The following PDZRN3 variants were observed in gnomAD, a reference collection of about 807,000 sequenced individuals.
The protein encoded by PDZRN3 is PDZ domain containing ring finger 3, also known as E3 ubiquitin-protein ligase PDZRN3.
PDZRN3 carries 38 observed loss-of-function variants against 85.7 expected under a neutral mutation model. The observed-to-expected ratio is 0.44, with a 90% CI of 0.34 to 0.58. The LOEUF is 0.58. Among genes scored for constraint, PDZRN3 ranks in the 20% least tolerant of loss-of-function variants. The probability of loss-of-function intolerance (pLI) is 0.01; values close to 1 mark genes in which losing one functional copy is unlikely to be tolerated. For synonymous variants in PDZRN3, 759 were observed against 638.0 expected, an observed-to-expected ratio of 1.19 and a Z score of -2.86; for missense variants, 1,629 against 1,506.4, an observed-to-expected ratio of 1.08 and a Z score of -1.35.
chr3:73,497,719 G>A (rs1360883111), intron 3 of PDZRN3, among the ~76,000 whole-genome samples: 6 of 152,182 alleles, frequency 3.9e-5, no homozygotes, highest in African/African-American at 1.4e-4. Flanking sequence ...AACAGGGACA[G>A]CACACAGCAA....
chr3:73,417,910 A>G (rs995988731), intron 3 of PDZRN3, among the ~76,000 whole-genome samples: 2 of 152,214 alleles, frequency 1.3e-5, no homozygotes, highest in Non-Finnish European at 2.9e-5. Flanking sequence ...AGAAGAACCA[A>G]TGAAAAGGAG....
chr3:73,470,214 G>A (rs1419009962), intron 3 of PDZRN3, among the ~76,000 whole-genome samples: 1 of 152,098 alleles, frequency 6.6e-6, no homozygotes, highest in Non-Finnish European at 1.5e-5. Flanking sequence ...TACCAGTTGT[G>A]AATAATTTAA....
chr3:73,615,785 T>A (rs1410813570), intron 1 of PDZRN3, among the ~76,000 whole-genome samples: 2 of 152,218 alleles, frequency 1.3e-5, no homozygotes, highest in African/African-American at 4.8e-5. Flanking sequence ...TTTCTGGTAT[T>A]TCTGTTACAG....
chr3:73,583,951 TTTTAGTTTCCTTAAA>T (rs1702237496), intron 3 of PDZRN3, among the ~76,000 whole-genome samples: 2 of 152,278 alleles, frequency 1.3e-5, no homozygotes, highest in Admixed American at 1.3e-4. Flanking sequence ...GAAAATGGCA[TTTTAGTTTCCTTAAA>T]TAAGGTCTAA....
chr3:73,500,184 G>C (rs1287224942), intron 3 of PDZRN3, among the ~76,000 whole-genome samples: 3 of 151,906 alleles, frequency 2.0e-5, no homozygotes, highest in Non-Finnish European at 4.4e-5. Context: ...AAGTAGCTGG[G>C]ACTACAGGCA....
intron 3 of PDZRN3, among the ~76,000 whole-genome samples, chr3:73,418,889 A>G (rs1029997260): frequency 1.3e-5 from 2 of 152,220 alleles, no homozygotes; most frequent in Non-Finnish European, 2.9e-5. Context: ...CAGCTCAGCA[A>G]GCTTGAAATG....
At chr3:73,481,774 TAA>T (rs927968564) in intron 3 of PDZRN3, among the ~76,000 whole-genome samples, 2 of 152,200 alleles carry the variant, frequency 1.3e-5, no homozygotes, top group African/African-American at 2.4e-5. Flanking sequence ...TCATAAAACT[TAA>T]AGAGTGTAAT....
intron 3 of PDZRN3, among the ~76,000 whole-genome samples, chr3:73,480,966 T>A (rs1213890702): frequency 1.3e-5 from 2 of 152,258 alleles, no homozygotes; most frequent in African/African-American, 4.8e-5. Flanking sequence ...TTCCATTTAA[T>A]GCCAATCATC....
At chr3:73,620,491 C>A (rs61069650) in intron 1 of PDZRN3, among the ~76,000 whole-genome samples, 235 of 152,246 alleles carry the variant, frequency 1.5e-3, no homozygotes, top group African/African-American at 5.6e-3. Context: ...AAGTCTGCTG[C>A]AGCTCAGATG....
chr3:73,461,781 C>T (rs1168121773), intron 3 of PDZRN3, among the ~76,000 whole-genome samples: 2 of 152,104 alleles, frequency 1.3e-5, no homozygotes, highest in Non-Finnish European at 2.9e-5. Context: ...TCATTCACAG[C>T]CTAGGTTCCC....
intron 3 of PDZRN3, among the ~76,000 whole-genome samples, chr3:73,572,892 T>G (rs936527991): frequency 6.6e-6 from 1 of 152,174 alleles, no homozygotes; most frequent in Non-Finnish European, 1.5e-5. Flanking sequence ...TTGTTGGAAT[T>G]TTGAAAAGAT....
intron 3 of PDZRN3, among the ~76,000 whole-genome samples, chr3:73,521,219 A>T (rs1704355890): frequency 6.6e-6 from 1 of 152,022 alleles, no homozygotes; most frequent in Admixed American, 6.6e-5. Context: ...CTCCGTCAGC[A>T]CCCCTCCTCT....
At chr3:73,530,903 C>A (rs959294576) in intron 3 of PDZRN3, among the ~76,000 whole-genome samples, 1 of 152,110 alleles carries the variant, frequency 6.6e-6, no homozygotes, top group Non-Finnish European at 1.5e-5. Context: ...TGAAGAAAAC[C>A]AGATAAATGG....
intron 3 of PDZRN3, among the ~76,000 whole-genome samples, chr3:73,453,745 C>T (rs1472441516): frequency 2.0e-5 from 3 of 152,096 alleles, no homozygotes; most frequent in Non-Finnish European, 2.9e-5. Flanking sequence ...GGCCAAATAC[C>T]GCAATTCTGA....
chr3:73,599,735 C>T (rs1277206094), intron 3 of PDZRN3, among the ~76,000 whole-genome samples: 2 of 152,204 alleles, frequency 1.3e-5, no homozygotes, highest in Admixed American at 6.5e-5. Context: ...AAATTCACAT[C>T]CTGTACGGCA....
At chr3:73,516,200 C>T (rs1704252999) in intron 3 of PDZRN3, among the ~76,000 whole-genome samples, 1 of 152,160 alleles carries the variant, frequency 6.6e-6, no homozygotes, top group Admixed American at 6.5e-5. Context: ...TGTATGTGTG[C>T]CTGTATACAT....
chr3:73,495,248 C>G (rs551293338), intron 3 of PDZRN3, among the ~76,000 whole-genome samples: 5 of 151,942 alleles, frequency 3.3e-5, no homozygotes, highest in Non-Finnish European at 7.4e-5. Flanking sequence ...AAGTGGTTTG[C>G]TTTTTAAAAG....
intron 3 of PDZRN3, among the ~76,000 whole-genome samples, chr3:73,584,131 GAA>G (rs367580315): frequency 5.4e-5 from 7 of 128,478 alleles, no homozygotes; most frequent in Admixed American, 1.6e-4. Context: ...AATGAGGGGA[GAA>G]AAAAAAAAAA....
chr3:73,428,415 C>G (rs371076019), intron 3 of PDZRN3, among the ~76,000 whole-genome samples: 1 of 152,214 alleles, frequency 6.6e-6, no homozygotes, highest in East Asian at 1.9e-4. Context: ...CCTCACTCTT[C>G]CTAACAAACA....
Sources: gnomAD v4.1 joint callset for allele counts (sites outside exome capture counted in the v4.1 genomes callset) on GRCh38, gnomAD v4.1.1 for gene constraint, MANE v1.5 for transcripts, NCBI Gene and HGNC (gene_info 2026-07-23, HGNC 2026-07-21) for gene names.